The following PHACTR1 variants were observed in gnomAD, a reference collection of about 807,000 sequenced individuals.
PHACTR1 encodes phosphatase and actin regulator 1, also known as RPEL repeat containing 1.
Under a neutral mutation model 69.2 loss-of-function variants are expected in PHACTR1, and 16 were observed. The observed-to-expected ratio is 0.23, with a 90% CI of 0.16 to 0.35. The LOEUF (loss-of-function observed/expected upper bound fraction) is 0.35, where lower values mean the gene tolerates loss of function less well. PHACTR1 is among the 10% of genes least tolerant of loss of function. PHACTR1 has a pLI of 1.00. For missense variants in PHACTR1, 510 were observed against 734.7 expected, an observed-to-expected ratio of 0.69 and a Z score of 3.54; for synonymous variants, 312 against 284.5, an observed-to-expected ratio of 1.10 and a Z score of -0.97.
intron 3 of PHACTR1, among the ~76,000 whole-genome samples, chr6:12,725,393 A>G (rs1762649964): frequency 6.6e-6 from 1 of 152,212 alleles, no homozygotes; most frequent in South Asian, 2.1e-4. Context: ...GCTTACAGGG[A>G]GACCCAGCCC....
intron 4 of PHACTR1, among the ~76,000 whole-genome samples, chr6:12,993,982 GATATAA>G (rs1471194596): frequency 6.6e-6 from 1 of 151,708 alleles, no homozygotes; most frequent in Non-Finnish European, 1.5e-5. Flanking sequence ...CTAGAAATAA[GATATAA>G]ATATAAAGGT....
At chr6:12,929,975 A>T (rs961306154) in intron 4 of PHACTR1, among the ~76,000 whole-genome samples, 1 of 152,166 alleles carries the variant, frequency 6.6e-6, no homozygotes, top group Non-Finnish European at 1.5e-5. Flanking sequence ...TTTTAAAAAT[A>T]AAATATTTTA....
chr6:12,968,063 C>T (rs997344828), intron 4 of PHACTR1, among the ~76,000 whole-genome samples: 2 of 152,078 alleles, frequency 1.3e-5, no homozygotes, highest in South Asian at 4.2e-4. Context: ...GTGTTATGTG[C>T]CCTCTCCACT....
intron 4 of PHACTR1, among the ~76,000 whole-genome samples, chr6:12,944,176 A>T (rs1790349810): frequency 6.6e-6 from 1 of 152,208 alleles, no homozygotes; most frequent in South Asian, 2.1e-4. Flanking sequence ...CAGGAGGCAC[A>T]GTGTGTCTGA....
At chr6:12,731,465 A>T (rs1162591756) in intron 3 of PHACTR1, among the ~76,000 whole-genome samples, 1 of 152,226 alleles carries the variant, frequency 6.6e-6, no homozygotes, top group Non-Finnish European at 1.5e-5. Context: ...GCTAGACCAC[A>T]TTCCAAACAT....
At chr6:13,266,984 C>G (rs1180410946) in intron 10 of PHACTR1, 1 of 152,294 alleles carries the variant, frequency 6.6e-6, no homozygotes, top group Non-Finnish European at 1.5e-5. Flanking sequence ...CATCCCTGAG[C>G]TCTGGGCACA....
intron 6 of PHACTR1, among the ~76,000 whole-genome samples, chr6:13,170,414 AG>A (rs1760424836): frequency 6.6e-6 from 1 of 152,144 alleles, no homozygotes; most frequent in Non-Finnish European, 1.5e-5. Context: ...ATGGCAGGGC[AG>A]GGTACGTGGG....
chr6:13,106,145 G>A (rs1816093700), intron 5 of PHACTR1, among the ~76,000 whole-genome samples: 1 of 152,114 alleles, frequency 6.6e-6, no homozygotes, highest in African/African-American at 2.4e-5. Context: ...TAATTTAAAA[G>A]GTCTCACATT....
At chr6:12,749,590 C>T (rs749990939) in intron 3 of PHACTR1, 54 bp from the exon 4 acceptor site, 4 of 1,229,150 alleles carry the variant, frequency 3.3e-6, no homozygotes, top group African/African-American at 1.6e-5. Flanking sequence ...CTTCCTCTCC[C>T]CTCCTCCCCC....
intron 5 of PHACTR1, among the ~76,000 whole-genome samples, chr6:13,112,090 C>A (rs1404745158): frequency 1.3e-5 from 2 of 152,114 alleles, no homozygotes; most frequent in Non-Finnish European, 2.9e-5. Context: ...CATGTATTCT[C>A]ATCATTTAGC....
intron 4 of PHACTR1, among the ~76,000 whole-genome samples, chr6:13,001,264 T>C (rs546729152): frequency 3.3e-5 from 5 of 152,336 alleles, no homozygotes; most frequent in Non-Finnish European, 5.9e-5. Context: ...AAGAATGAAA[T>C]GAGGATGCCA....
At chr6:13,097,399 G>A (rs978298431) in intron 5 of PHACTR1, among the ~76,000 whole-genome samples, 1 of 152,082 alleles carries the variant, frequency 6.6e-6, no homozygotes, top group Non-Finnish European at 1.5e-5. Flanking sequence ...ATAAAGGAAT[G>A]CTTGTATTCT....
chr6:13,072,198 C>T (rs1809640498), intron 5 of PHACTR1, among the ~76,000 whole-genome samples: 1 of 152,170 alleles, frequency 6.6e-6, no homozygotes, highest in Middle Eastern at 3.2e-3. Flanking sequence ...CCCATTATCA[C>T]ATCTGTTTCC....
At chr6:12,860,593 A>G (rs551505470) in intron 4 of PHACTR1, among the ~76,000 whole-genome samples, 1 of 152,292 alleles carries the variant, frequency 6.6e-6, no homozygotes, top group East Asian at 1.9e-4. Context: ...CAATGGTTGA[A>G]CTAATTTACA....
At chr6:13,162,367 T>G (rs1213003198) in intron 6 of PHACTR1, among the ~76,000 whole-genome samples, 1 of 152,038 alleles carries the variant, frequency 6.6e-6, no homozygotes, top group Non-Finnish European at 1.5e-5. Flanking sequence ...CCTCAGGTGA[T>G]CCACCCGTCT....
chr6:13,186,740 C>T (rs781004423), intron 7 of PHACTR1, among the ~76,000 whole-genome samples: 2 of 152,120 alleles, frequency 1.3e-5, no homozygotes, highest in Non-Finnish European at 2.9e-5. Context: ...GCACGAAGGA[C>T]CAGTTTTGTG....
rs1773605322 is a variant in PHACTR1 at position 13,246,520 on chromosome 6, C to G, written c.1391+16327C>G. Among the ~76,000 whole-genome samples, 2 of 151,878 alleles carry G rather than the reference C, an allele frequency of 1.3e-5. No homozygotes were observed. Among genetic ancestry groups the G allele is most frequent in the Admixed American group, 1.3e-4 (2 of 15,030 alleles). ...GCTGGTACCTTAATTTAGAGTTGGC[C>G]TATTCTTGTGATTCTTTCAAATGAT... On this transcript the variant is annotated intron_variant, in intron 10 of 14. Coordinates refer to ENST00000332995, the MANE Select transcript of PHACTR1 (RefSeq NM_030948.6). The surrounding 1 kb of genome is among the most constrained non-coding windows in gnomAD (Gnocchi z 4.2).
At position 13,260,079 on chromosome 6, in the gene PHACTR1, T is replaced by G. The variant is rs568048421; in HGVS notation, c.1392-12781T>G. 1.9e-4 allele frequency among the ~76,000 whole-genome samples: 29 copies of G among 152,278 alleles called. 1 individual carries two copies. In the Middle Eastern group the frequency reaches 0.01, roughly 54 times the overall value. On this transcript the variant is annotated intron_variant, in intron 10 of 14. Transcript: ENST00000332995. ...CAGGGGCGAGAGATTATTAATTTGTTTAACATAAAAAATCAAATGAGCCCC... is the reference window on the plus strand; with the variant it reads ...CAGGGGCGAGAGATTATTAATTTGTGTAACATAAAAAATCAAATGAGCCCC...
At chr6:12,774,431 G>T (rs1008234018) in intron 4 of PHACTR1, among the ~76,000 whole-genome samples, 5 of 152,042 alleles carry the variant, frequency 3.3e-5, no homozygotes, top group Non-Finnish European at 7.4e-5. Flanking sequence ...CGCCCTTGTT[G>T]CCCAGGCTGG....
Sources: allele counts gnomAD v4.1 joint callset (sites outside exome capture counted in the v4.1 genomes callset), GRCh38; gene constraint gnomAD v4.1.1; non-coding constraint Gnocchi (gnomAD v3.1); transcripts MANE v1.5; gene names NCBI Gene and HGNC (gene_info 2026-07-23, HGNC 2026-07-21).